Variants in PEF1 observed in about 807,000 individuals in gnomAD.
PEF1 encodes peflin.
Under a neutral mutation model 32.0 loss-of-function variants are expected in PEF1, and 17 were observed. The observed-to-expected ratio is 0.53, with a 90% CI of 0.36 to 0.80. The LOEUF is 0.80. PEF1 is among the 30% of genes least tolerant of loss of function. PEF1 has a pLI of 0.00. For synonymous variants in PEF1, 130 were observed against 139.8 expected, an observed-to-expected ratio of 0.93 and a Z score of 0.50; for missense variants, 362 against 369.1, an observed-to-expected ratio of 0.98 and a Z score of 0.16.
intron 2 of PEF1, 54 bp downstream of exon 2, chr1:31,635,168 A>T: frequency 6.3e-7 from 1 of 1,589,036 alleles, no homozygotes; most frequent in Non-Finnish European, 8.6e-7. Flanking sequence ...AAGGCTGGCC[A>T]TGGATAACTC....
At chr1:31,642,103 T>G (rs996667049) in intron 1 of PEF1, among the ~76,000 whole-genome samples, 7 of 152,058 alleles carry the variant, frequency 4.6e-5, no homozygotes, top group Admixed American at 4.6e-4. Flanking sequence ...TGTGGTGGCG[T>G]GCGCCTGTAA....
intron 1 of PEF1, among the ~76,000 whole-genome samples, chr1:31,641,694 A>G (rs1640394242): frequency 6.6e-6 from 1 of 152,180 alleles, no homozygotes; most frequent in Non-Finnish European, 1.5e-5. Context: ...TTGTTGGCTT[A>G]AATATCACCT....
Position 31,633,274 on chromosome 1 carries a change from C to T in PEF1, c.366G>A (p.Trp122Ter). The T allele has an allele frequency of 6.2e-7, 1 of 1,613,948 alleles. No individual in the cohort carries two copies. The highest frequency in any genetic ancestry group is 8.5e-7 in the Non-Finnish European group (1 of 1,179,942). Residue 122 changes from tryptophan (W) to a stop codon, truncating the protein, a stop_gained, in exon 3 of 5, where the codon TGG becomes TGA. Transcript: ENST00000373703. LOFTEE classifies it high-confidence loss of function. ...TGTGATCTGAGTCCACCGACTGGAACCAGGAGTAGGCCTCAGGATCCACAT... is the reference window on the plus strand; with the variant it reads ...TGTGATCTGAGTCCACCGACTGGAATCAGGAGTAGGCCTCAGGATCCACAT... ...PPNVDPEAYS[W>*]FQSVDSDHSG... is the part of the protein sequence containing the mutation.
At chr1:31,642,729 A>G (rs1640432601) in intron 1 of PEF1, among the ~76,000 whole-genome samples, 1 of 152,206 alleles carries the variant, frequency 6.6e-6, no homozygotes, top group Non-Finnish European at 1.5e-5. Flanking sequence ...GCATGGCATC[A>G]TGAGAGCAGT....
At chr1:31,634,728 C>T in intron 2 of PEF1, 1 of 393,562 alleles carries the variant, frequency 2.5e-6, no homozygotes, top group Non-Finnish European at 5.1e-6. Flanking sequence ...TCCTCTCCCA[C>T]TGCCTGGTGG....
intron 2 of PEF1, 92 bp from the exon 3 acceptor site, chr1:31,633,406 G>T: frequency 7.4e-7 from 1 of 1,349,260 alleles, no homozygotes; most frequent in Non-Finnish European, 1.0e-6. Context: ...TACACACGAA[G>T]CTTCACAAAT....
At chr1:31,632,032 A>G (rs1018440122) in intron 4 of PEF1, among the ~76,000 whole-genome samples, 1 of 152,188 alleles carries the variant, frequency 6.6e-6, no homozygotes, top group African/African-American at 2.4e-5. Flanking sequence ...ATCTTCCCCA[A>G]CTGCAACTTT....
At chr1:31,639,181 C>T (rs1436824229) in intron 1 of PEF1, among the ~76,000 whole-genome samples, 3 of 152,110 alleles carry the variant, frequency 2.0e-5, no homozygotes, top group African/African-American at 4.8e-5. Context: ...GAAAGACAAA[C>T]GCACAGACTT....
In PEF1 at chr1:31,635,419, C is replaced by G. The variant is rs375817960; in HGVS notation, c.128G>C (p.Gly43Ala). 6.2e-7 allele frequency: 1 copy of G among 1,612,606 alleles called. No homozygotes were observed. Among genetic ancestry groups the G allele is most frequent in the African/African-American group, 1.3e-5 (1 of 75,004 alleles). The change falls in exon 2 of 5, where the codon GGT (glycine) becomes GCT (alanine). Residue 43 changes from glycine (G) to alanine (A), a missense_variant. Physicochemically the swap from Gly to Ala is moderately conservative, Grantham distance 60 (BLOSUM62 0). Transcript: ENST00000373703. ...GGQYGSGLPP[G>A]GGYGGPAPGG... ...AGGGGCAGGACCCCCATAACCACCACCAGGGGGTAGCCCACTACCATACTG... is the reference window on the plus strand; with the variant it reads ...AGGGGCAGGACCCCCATAACCACCAGCAGGGGGTAGCCCACTACCATACTG...
At chr1:31,633,726 C>G (rs934872975) in intron 2 of PEF1, among the ~76,000 whole-genome samples, 1 of 152,134 alleles carries the variant, frequency 6.6e-6, no homozygotes, top group African/African-American at 2.4e-5. Context: ...GAAGCCGAGG[C>G]AGGCGGATCA....
chr1:31,634,227 G>A lies in PEF1; in HGVS notation c.326-913C>T, dbSNP rs1487116979. 3.3e-5 allele frequency among the ~76,000 whole-genome samples: 5 copies of A among 152,330 alleles called. No homozygotes were observed. In the East Asian group the frequency reaches 9.6e-4, roughly 29 times the overall value. ...CCTAAAACATCGGTGTCATAGGGGAGCAAGGGCCACAGCCCCAGGGCAGGA... is the reference window on the plus strand; with the variant it reads ...CCTAAAACATCGGTGTCATAGGGGAACAAGGGCCACAGCCCCAGGGCAGGA... On this transcript the variant is annotated intron_variant, in intron 2 of 4. Transcript: ENST00000373703.
chr1:31,640,682 C>T (rs1640370947), intron 1 of PEF1, among the ~76,000 whole-genome samples: 1 of 152,176 alleles, frequency 6.6e-6, no homozygotes, highest in South Asian at 2.1e-4. Flanking sequence ...CTCTGCAGAA[C>T]CACCTGGAAT....
In PEF1 at chr1:31,635,500, T is replaced by C. The variant is rs1640232543; in HGVS notation, c.47A>G (p.Gln16Arg). ...GCTACCCGGAGGGGCTCCTGGTGCT[T>C]GTCCTGCAGCTCCTGGGCAGCCCTG... ...YRQGCPGAAG[Q>R]APGAPPGSYY... is the part of the protein sequence containing the mutation. Residue 16 changes from glutamine (Q) to arginine (R), a missense_variant, in exon 2 of 5, where the codon CAA (glutamine) becomes CGA (arginine). Physicochemically the swap from Gln to Arg is conservative, Grantham distance 43. Coordinates refer to ENST00000373703, the MANE Select transcript of PEF1 (RefSeq NM_012392.4). The C allele has an allele frequency of 6.6e-7, 1 of 1,517,702 alleles. No individual in the cohort carries two copies. The highest frequency in any genetic ancestry group is 8.8e-7 in the Non-Finnish European group (1 of 1,133,226). 94.0% of individuals were successfully genotyped at this position (1,517,702 alleles called of 1,614,324 possible). A position where few individuals can be genotyped will look rare whatever the true frequency, so the allele number is the denominator to read the frequency against.
chr1:31,644,415 C>T (rs1007254758), intron 1 of PEF1: 7 of 1,051,214 alleles, frequency 6.7e-6, no homozygotes, highest in Non-Finnish European at 8.1e-6. Flanking sequence ...TTCCTGATGA[C>T]TCTGATGCAG....
chr1:31,643,693 C>G (rs760011231), intron 1 of PEF1, among the ~76,000 whole-genome samples: 3 of 152,226 alleles, frequency 2.0e-5, no homozygotes, highest in Non-Finnish European at 4.4e-5. Flanking sequence ...CAAGACTGCA[C>G]TCCCTGGAAG....
chr1:31,635,255 A>G lies in PEF1; in HGVS notation c.292T>C (p.Tyr98His), dbSNP rs1307641250. ...GPYGQPPPSS[Y>H]GAQQPGLYGQ... ...TAAAGCCCAGGCTGCTGGGCACCGT[A>G]GGAACTTGGAGGTGGCTGACCATAG... is the stretch of plus-strand genomic sequence containing the variant. Residue 98 changes from tyrosine to histidine, a missense_variant, in exon 2 of 5, where the codon TAC becomes CAC. Transcript: ENST00000373703. The G allele has an allele frequency of 5.6e-6, 9 of 1,614,008 alleles. No homozygotes were observed. Among genetic ancestry groups the G allele is most frequent in the African/African-American group, 5.3e-5 (4 of 74,910 alleles).
chr1:31,635,315 C>A lies in PEF1; in HGVS notation c.232G>T (p.Gly78Ter). ...NPGMFPSGTP[G>*]GPYGGAAPGG... The stretch of plus-strand genomic sequence containing the variant: ...GGAGCTGCACCGCCATATGGTCCTC[C>A]TGGAGTTCCAGAGGGGAACATCCCA... The change falls in exon 2 of 5, where the codon GGA becomes TGA. Residue 78 changes from glycine to a stop codon, truncating the protein, a stop_gained. Transcript: ENST00000373703. LOFTEE classifies it high-confidence loss of function. 6.2e-7 allele frequency: 1 copy of A among 1,614,124 alleles called. No homozygotes were observed.
Position 31,635,515 on chromosome 1 carries a change from G to T in PEF1, c.32C>A (p.Pro11Gln), listed in dbSNP as rs1306837647. 1 of 1,512,520 alleles carries T rather than the reference G, an allele frequency of 6.6e-7. No homozygotes were observed. Among genetic ancestry groups the T allele is most frequent in the African/African-American group, 1.4e-5 (1 of 71,560 alleles). 93.7% of individuals were successfully genotyped at this position (1,512,520 alleles called of 1,614,324 possible). MASYPYRQGCPGAAGQAPGAP... is the reference protein window; with the variant it reads MASYPYRQGCQGAAGQAPGAP... ...TCCTGGTGCTTGTCCTGCAGCTCCT[G>T]GGCAGCCCTGCAGGAAGAGCAAGAT... The change falls in exon 2 of 5, where the codon CCA becomes CAA. Residue 11 changes from proline to glutamine, a missense_variant. Transcript: ENST00000373703.
intron 2 of PEF1, chr1:31,634,809 T>G (rs776448672): frequency 4.4e-6 from 2 of 457,572 alleles, no homozygotes; most frequent in East Asian, 6.9e-5. Context: ...GCCAAAAGAA[T>G]GCAAGTGGGC....
Sources: allele counts gnomAD v4.1 joint callset (sites outside exome capture counted in the v4.1 genomes callset), GRCh38; gene constraint gnomAD v4.1.1; transcripts MANE v1.5; gene names NCBI Gene and HGNC (gene_info 2026-07-23, HGNC 2026-07-21).